INTS7: variants seen among roughly 807,000 people sequenced by gnomAD.
The protein encoded by INTS7 is integrator complex subunit 7, also known as chromosome 1 open reading frame 73.
In INTS7, 46 loss-of-function variants were observed where a neutral mutation model predicts 109.2. The observed-to-expected ratio is 0.42, with a 90% CI of 0.33 to 0.54. The LOEUF (loss-of-function observed/expected upper bound fraction) is 0.54. Ranked by LOEUF, INTS7 falls within the 20% of genes least tolerant of loss-of-function variation. The pLI is 0.07. For synonymous variants in INTS7, 412 were observed against 402.9 expected (o/e 1.02, Z -0.27); for missense variants, 929 against 1,132.4 (o/e 0.82, Z 2.58).
chr1:212,001,457 A>T (rs1178910352), intron 7 of INTS7, among the ~76,000 whole-genome samples: 1 of 152,200 alleles, frequency 6.6e-6, no homozygotes, highest in African/African-American at 2.4e-5. Context: ...ATAATAATAA[A>T]AAAGAATAAT....
chr1:211,946,648 GGAAA>G lies in INTS7; in HGVS notation c.2370_2373del (p.Phe791ArgfsTer38). The stretch of plus-strand genomic sequence containing the variant: ...TGTAGTTTCTGGAAAAAATATCTCT[GGAAA>G]GAAAGGGGAACTTTCAGCAAAGCAA... On this transcript the variant is annotated frameshift_variant, in exon 18 of 20. Transcript: ENST00000366994. LOFTEE classifies it high-confidence loss of function. The surrounding 1 kb of genome is among the most constrained non-coding windows in gnomAD (Gnocchi z 4.3). The G allele has an allele frequency of 6.2e-7, 1 of 1,613,226 alleles. No individual in the cohort carries two copies. Among genetic ancestry groups the G allele is most frequent in the Non-Finnish European group, 8.5e-7 (1 of 1,179,332 alleles).
intron 7 of INTS7, among the ~76,000 whole-genome samples, chr1:211,994,834 A>G (rs1665309704): frequency 1.3e-5 from 2 of 151,838 alleles, no homozygotes; most frequent in South Asian, 4.1e-4. Context: ...CATAAATCAG[A>G]ATAAAAATTC....
At chr1:211,981,367 T>C (rs891541447) in intron 9 of INTS7, among the ~76,000 whole-genome samples, 177 bp from the exon 10 acceptor site, 1 of 151,926 alleles carries the variant, frequency 6.6e-6, no homozygotes, top group African/African-American at 2.4e-5. Context: ...ACTTCTAGAA[T>C]GTAAAGTCTA....
At chr1:212,008,777 A>G (rs1571900783) in intron 5 of INTS7, among the ~76,000 whole-genome samples, 1 of 152,180 alleles carries the variant, frequency 6.6e-6, no homozygotes, top group East Asian at 1.9e-4. Flanking sequence ...AGTCTTTCTT[A>G]TTAGTGAAAG....
intron 17 of INTS7, among the ~76,000 whole-genome samples, chr1:211,949,058 G>T (rs1360611237): frequency 6.6e-6 from 1 of 152,214 alleles, no homozygotes; most frequent in Admixed American, 6.5e-5. Context: ...TGTATTTTCT[G>T]ACATTTCTGT....
chr1:211,945,112 C>A, intron 18 of INTS7, 143 bp from the exon 19 acceptor site: 1 of 675,014 alleles, frequency 1.5e-6, no homozygotes. Flanking sequence ...TGTGCCAGGA[C>A]AACGAGACAG....
Position 211,941,919 on chromosome 1 carries a change from C to T in INTS7, c.2794G>A (p.Glu932Lys). ...CGAATTTGCTGGGAATAAGGGTCTT[C>T]CAGGGATTTTACAAATATGGTAGTT... is the stretch of plus-strand genomic sequence containing the variant. Reference protein sequence around the residue: ...PRTTIFVKSLEDPYSQQIRLQ... With the variant: ...PRTTIFVKSLKDPYSQQIRLQ... Residue 932 changes from glutamate to lysine, a missense_variant, in exon 20 of 20, where the codon GAA (glutamate) becomes AAA (lysine). Glu to Lys is a moderately conservative substitution (Grantham distance 56). This residue lies in a region of INTS7 where 787 missense variants were observed against 901.1 expected (regional missense o/e 0.87). Coordinates refer to ENST00000366994, the MANE Select transcript of INTS7 (RefSeq NM_015434.4). The T allele has an allele frequency of 6.2e-7, 1 of 1,614,148 alleles. No homozygotes were observed. Among genetic ancestry groups the T allele is most frequent in the Non-Finnish European group, 8.5e-7 (1 of 1,180,032 alleles).
chr1:211,968,085 A>C, intron 14 of INTS7, 104 bp from the exon 15 acceptor site: 1 of 576,240 alleles, frequency 1.7e-6, no homozygotes, highest in Non-Finnish European at 3.0e-6. Flanking sequence ...TAACAATTCA[A>C]AAAAAATACT....
intron 4 of INTS7, among the ~76,000 whole-genome samples, chr1:212,015,381 G>C (rs541999258): frequency 6.6e-6 from 1 of 152,220 alleles, no homozygotes; most frequent in East Asian, 1.9e-4. Flanking sequence ...CTTCTGCCTT[G>C]GGATGCTGTT....
At chr1:212,013,214 TCTCA>T (rs1320582428) in intron 4 of INTS7, among the ~76,000 whole-genome samples, 1 of 152,126 alleles carries the variant, frequency 6.6e-6, no homozygotes, top group Non-Finnish European at 1.5e-5. Context: ...CTTTGAGGGG[TCTCA>T]CTATGTTGCC....
intron 13 of INTS7, among the ~76,000 whole-genome samples, chr1:211,970,543 T>TA (rs1664124590): frequency 6.6e-6 from 1 of 152,202 alleles, no homozygotes; most frequent in South Asian, 2.1e-4. Context: ...TTTTACCTCA[T>TA]ATTGACCTTA....
intron 10 of INTS7, among the ~76,000 whole-genome samples, chr1:211,979,538 C>T (rs990877904): frequency 6.6e-6 from 1 of 152,162 alleles, no homozygotes; most frequent in Non-Finnish European, 1.5e-5. Flanking sequence ...ATTCAAATAA[C>T]AATAATAATT....
In INTS7 at chr1:211,946,610, G is replaced by A; in HGVS notation, c.2412C>T (p.Ile804=). The A allele has an allele frequency of 6.3e-7, 1 of 1,583,394 alleles. No homozygotes were observed. Among genetic ancestry groups the A allele is most frequent in the East Asian group, 2.2e-5 (1 of 44,692 alleles). The change falls in exon 18 of 20, where the codon ATC becomes ATT. Residue 804 remains isoleucine, a synonymous_variant. Transcript: ENST00000366994. The surrounding 1 kb of genome is among the most constrained non-coding windows in gnomAD (Gnocchi z 4.3). ...CTTAGTATTCTTCCTGTATTACCTT[G>A]ATGCTGGTAGACTGTAGTTTCTGGA... is the stretch of plus-strand genomic sequence containing the variant. The part of the protein sequence containing the change: ...YFFQKLQSTS[I]KLALSPSPRN...
rs1411536674 is a variant in INTS7 at position 211,992,910 on chromosome 1, T to C, written c.880-4907A>G. ...CAAATGGAGTCCTCTGTCTCATTCA[T>C]TACCACTGCCTTCTTCACTAACTAT... On this transcript the variant is annotated intron_variant, in intron 7 of 19. Transcript: ENST00000366994. Among the ~76,000 whole-genome samples, 4 of 152,218 alleles carry C rather than the reference T, an allele frequency of 2.6e-5. No homozygotes were observed. The East Asian group carries it at 5.8e-4, about 22-fold the overall frequency.
rs1232604748 is a variant in INTS7 at position 212,006,635 on chromosome 1, A to G, written c.879+4T>C. The G allele has an allele frequency of 1.3e-6, 2 of 1,487,540 alleles. No homozygotes were observed. The highest frequency in any genetic ancestry group is 1.8e-6 in the Non-Finnish European group (2 of 1,084,130). 92.1% of individuals were successfully genotyped at this position (1,487,540 alleles called of 1,614,324 possible). On this transcript the variant is annotated splice_donor_region_variant and intron_variant, in intron 7 of 19. Transcript: ENST00000366994. ...CTATATAAAATGTTACAAGTTCTAC[A>G]TACCTGAATATTCTCCCTACTCCAA...
At chr1:211,980,729 C>T (rs1664625926) in intron 10 of INTS7, among the ~76,000 whole-genome samples, 1 of 152,166 alleles carries the variant, frequency 6.6e-6, no homozygotes, top group African/African-American at 2.4e-5. Flanking sequence ...ATGAGAGCCA[C>T]TGTCCTGGCC....
At chr1:212,004,580 A>G (rs1023960494) in intron 7 of INTS7, among the ~76,000 whole-genome samples, 1 of 152,224 alleles carries the variant, frequency 6.6e-6, no homozygotes, top group Non-Finnish European at 1.5e-5. Flanking sequence ...ACAATATTAT[A>G]AAGTTACCAA....
intron 13 of INTS7, among the ~76,000 whole-genome samples, chr1:211,970,494 T>C (rs1272967580): frequency 6.6e-6 from 1 of 152,202 alleles, no homozygotes; most frequent in Non-Finnish European, 1.5e-5. Context: ...AGACATGATT[T>C]TGGGGTTCTA....
chr1:212,017,109 C>G, intron 3 of INTS7, 86 bp from the exon 4 acceptor site: 2 of 1,087,356 alleles, frequency 1.8e-6, no homozygotes, highest in Non-Finnish European at 2.6e-6. Flanking sequence ...GTCAGATTAT[C>G]AAAACTAAAG....
Sources: allele counts gnomAD v4.1 joint callset (sites outside exome capture counted in the v4.1 genomes callset), GRCh38; gene constraint gnomAD v4.1.1; regional missense constraint gnomAD v4.1.1; non-coding constraint Gnocchi (gnomAD v3.1); transcripts MANE v1.5; gene names NCBI Gene and HGNC (gene_info 2026-07-23, HGNC 2026-07-21).